Variants in RSF1 observed in about 807,000 individuals in gnomAD.
RSF1 encodes HBV pX-associated protein 8.
RSF1 carries 13 observed loss-of-function variants against 145.2 expected under a neutral mutation model. The ratio of observed to expected loss-of-function variants is 0.09; its 90% CI spans 0.06 to 0.14. RSF1 has a LOEUF of 0.14. RSF1 is among the 10% of genes least tolerant of loss of function. The pLI is 1.00. For missense variants in RSF1, 1,517 were observed against 1,718.2 expected, an observed-to-expected ratio of 0.88 and a Z score of 2.07; for synonymous variants, 577 against 592.6, an observed-to-expected ratio of 0.97 and a Z score of 0.38.
At chr11:77,684,149 C>A (rs576122251) in intron 10 of RSF1, among the ~76,000 whole-genome samples, 2 of 152,258 alleles carry the variant, frequency 1.3e-5, no homozygotes, top group East Asian at 1.9e-4. Flanking sequence ...AGGTATGCTG[C>A]ATGAATGAAA....
chr11:77,692,886 C>A (rs576702323), intron 8 of RSF1, among the ~76,000 whole-genome samples: 1 of 151,952 alleles, frequency 6.6e-6, no homozygotes, highest in Non-Finnish European at 1.5e-5. Flanking sequence ...CCATGTTGGC[C>A]AGGATGGTCT....
At chr11:77,685,890 G>C (rs1959991229) in intron 9 of RSF1, among the ~76,000 whole-genome samples, 1 of 152,106 alleles carries the variant, frequency 6.6e-6, no homozygotes, top group Non-Finnish European at 1.5e-5. Context: ...AATAAATATT[G>C]CTATAAAAAT....
At chr11:77,864,690 A>ACTGAATT in the RSF1 span, among the ~76,000 whole-genome samples, 1 of 152,190 alleles carries the variant, frequency 6.6e-6, no homozygotes, top group African/African-American at 2.4e-5. Flanking sequence ...GAATAGAATG[A>ACTGAATT]CTGAATTGCC....
At position 77,701,704 on chromosome 11, in the gene RSF1, A is replaced by G. The variant is rs1960428609; in HGVS notation, c.1525T>C (p.Leu509=). The G allele has an allele frequency of 1.1e-5, 18 of 1,613,824 alleles. No homozygotes were observed. Among genetic ancestry groups the G allele is most frequent in the Non-Finnish European group, 1.5e-5 (18 of 1,179,970 alleles). ...ATTGAACTATCTGCATCTTTCCTCAAAGGGGCTGTTTCTTTCTCAAGCTCA... is the reference window on the plus strand; with the variant it reads ...ATTGAACTATCTGCATCTTTCCTCAGAGGGGCTGTTTCTTTCTCAAGCTCA... ...TGELEKETAP[L]RKDADSSISV... The change falls in exon 6 of 16, where the codon TTG becomes CTG. Residue 509 remains leucine, a synonymous_variant. Coordinates refer to ENST00000308488, the MANE Select transcript of RSF1 (RefSeq NM_016578.4).
At chr11:77,738,552 C>A (rs890288572) in intron 4 of RSF1, 4 of 152,056 alleles carry the variant, frequency 2.6e-5, no homozygotes, top group African/African-American at 9.7e-5. Context: ...CCCATGGATA[C>A]CAAGGGACAA....
chr11:77,728,404 G>A (rs1280209891), intron 4 of RSF1, among the ~76,000 whole-genome samples: 3 of 152,076 alleles, frequency 2.0e-5, no homozygotes, highest in Non-Finnish European at 2.9e-5. Flanking sequence ...GGCTGGGCGT[G>A]GTGGCTCACA....
chr11:77,857,974 G>A, the RSF1 span, among the ~76,000 whole-genome samples: 687 of 152,180 alleles, frequency 4.5e-3, 1 homozygote, highest in Non-Finnish European at 7.7e-3. Flanking sequence ...GATTACAGGC[G>A]TGAGCCAACG....
Position 77,692,233 on chromosome 11 carries a change from A to T in RSF1, c.2821-995T>A, listed in dbSNP as rs1475412721. Reference sequence around the variant, plus strand: ...AAAAAATAATTATTACTACTTTTAAATTTTTTTTTTTTTTTTTTTTTTTTT... The same window carrying T: ...AAAAAATAATTATTACTACTTTTAATTTTTTTTTTTTTTTTTTTTTTTTTT... On this transcript the variant is annotated intron_variant, in intron 8 of 15. Coordinates refer to ENST00000308488, the MANE Select transcript of RSF1 (RefSeq NM_016578.4). Among the ~76,000 whole-genome samples the T allele has an allele frequency of 1.9e-3, 95 of 49,424 alleles. 2 individuals are homozygous for T. The highest frequency in any genetic ancestry group is 5.0e-3 in the South Asian group (8 of 1,602). The allele number at this position is 49,424 out of a possible 152,430, so 32.4% of individuals were successfully genotyped here.
chr11:77,804,396 T>C (rs982537458), intron 1 of RSF1, among the ~76,000 whole-genome samples: 5 of 152,200 alleles, frequency 3.3e-5, no homozygotes, highest in South Asian at 2.1e-4. Context: ...ACCCCACCTA[T>C]AGCTGGCATG....
intron 1 of RSF1, among the ~76,000 whole-genome samples, chr11:77,776,741 T>C (rs918774701): frequency 2.6e-5 from 4 of 152,148 alleles, no homozygotes; most frequent in Non-Finnish European, 5.9e-5. Flanking sequence ...CTAGAGTATC[T>C]GAATAAAATG....
Position 77,725,666 on chromosome 11 carries a change from G to A in RSF1, c.612C>T (p.Leu204=), listed in dbSNP as rs767418480. 4 of 1,595,864 alleles carry A rather than the reference G, an allele frequency of 2.5e-6. No individual in the cohort carries two copies. The highest frequency in any genetic ancestry group is 3.4e-6 in the Non-Finnish European group (4 of 1,170,780). The change falls in exon 5 of 16, where the codon CTC becomes CTT. Residue 204 remains leucine (L), a synonymous_variant. Coordinates refer to ENST00000308488, the MANE Select transcript of RSF1 (RefSeq NM_016578.4). ...GTACAGGATCAATTTGTGCTTTCAGGAGTGCAAGAGTCTCAGCCAACTCGT... is the reference window on the plus strand; with the variant it reads ...GTACAGGATCAATTTGTGCTTTCAGAAGTGCAAGAGTCTCAGCCAACTCGT... The part of the protein sequence containing the change: ...NRNELAETLA[L]LKAQIDPVLL...
the RSF1 span, among the ~76,000 whole-genome samples, chr11:77,857,169 A>G: frequency 6.6e-6 from 1 of 152,342 alleles, no homozygotes; most frequent in Non-Finnish European, 1.5e-5. Context: ...AATTAAGCAA[A>G]AAGATAATTG....
In RSF1 at chr11:77,702,154, A is replaced by T. The variant is rs1249480046; in HGVS notation, c.1075T>A (p.Ser359Thr). ...GATTTCTCAGTAATTTCGTGAGAAG[A>T]TTTAATATTGCCACCAAATTCGATC... The part of the protein sequence containing the change: ...ERIEFGGNIK[S>T]SHEITEKSTE... Residue 359 changes from serine (S) to threonine (T), a missense_variant, in exon 6 of 16, where the codon TCT becomes ACT. Physicochemically the swap from Ser to Thr is moderately conservative, Grantham distance 58. This residue lies in a region of RSF1 where 207 missense variants were observed against 191.4 expected (regional missense o/e 1.08). Coordinates refer to ENST00000308488, the MANE Select transcript of RSF1 (RefSeq NM_016578.4). 1 of 1,613,896 alleles carries T rather than the reference A, an allele frequency of 6.2e-7. No homozygotes were observed. The highest frequency in any genetic ancestry group is 1.7e-5 in the Admixed American group (1 of 59,996).
rs527590472 is a variant in RSF1, at chr11:77,748,948, C to T, written c.280-1820G>A. Among the ~76,000 whole-genome samples the T allele has an allele frequency of 7.8e-4, 119 of 152,242 alleles. 1 individual carries two copies. The highest frequency in any genetic ancestry group is 2.7e-3 in the African/African-American group (114 of 41,542). ...TAACAGGTGAATGGATAAACTGTGGCACACCACACAATGGAATTTTATGTA... is the reference window on the plus strand; with the variant it reads ...TAACAGGTGAATGGATAAACTGTGGTACACCACACAATGGAATTTTATGTA... On this transcript the variant is annotated intron_variant, in intron 2 of 15. Coordinates refer to ENST00000308488, the MANE Select transcript of RSF1 (RefSeq NM_016578.4).
At chr11:77,711,144 A>T (rs1222952079) in intron 5 of RSF1, among the ~76,000 whole-genome samples, 2 of 50,160 alleles carry the variant, frequency 4.0e-5, no homozygotes, top group Non-Finnish European at 7.6e-5. Flanking sequence ...TTTTTAACTT[A>T]AAAAAAAAAA....
chr11:77,857,377 G>A, the RSF1 span, among the ~76,000 whole-genome samples: 1 of 152,156 alleles, frequency 6.6e-6, no homozygotes, highest in Non-Finnish European at 1.5e-5. Context: ...AGATGTAGAA[G>A]TGTAGGAGAA....
At chr11:77,842,658 A>C in the RSF1 span, 1 of 1,609,144 alleles carries the variant, frequency 6.2e-7, no homozygotes, top group Middle Eastern at 1.7e-4. Context: ...TTGATACTAC[A>C]TGAGGCTGAC....
At chr11:77,679,611 T>C (rs893436824) in intron 11 of RSF1, among the ~76,000 whole-genome samples, 2 of 147,386 alleles carry the variant, frequency 1.4e-5, no homozygotes. Flanking sequence ...AGGCAGAGGA[T>C]GAAGTAAGCC....
chr11:77,730,178 T>C (rs1961168045), intron 4 of RSF1, among the ~76,000 whole-genome samples: 1 of 152,134 alleles, frequency 6.6e-6, no homozygotes, highest in South Asian at 2.1e-4. Context: ...TTAGTACAAT[T>C]TAGCAAGACT....
Sources: gnomAD v4.1 joint callset for allele counts (sites outside exome capture counted in the v4.1 genomes callset) on GRCh38, gnomAD v4.1.1 for gene constraint, gnomAD v4.1.1 regional missense constraint, MANE v1.5 for transcripts, NCBI Gene and HGNC (gene_info 2026-07-23, HGNC 2026-07-21) for gene names.